The following CLIC5 variants were observed in gnomAD, a reference collection of about 807,000 sequenced individuals.
CLIC5 encodes the protein chloride intracellular channel protein 5.
CLIC5 carries 20 observed loss-of-function variants against 24.7 expected under a neutral mutation model. The observed-to-expected ratio is 0.81, with a 90% CI of 0.57 to 1.18. The LOEUF (loss-of-function observed/expected upper bound fraction) is 1.18. Among genes scored for constraint, CLIC5 ranks in the 50% most tolerant of loss-of-function variants. The pLI is 0.00. For missense variants in CLIC5, 341 were observed against 326.1 expected, an observed-to-expected ratio of 1.05 and a Z score of -0.35; for synonymous variants, 159 against 135.6, an observed-to-expected ratio of 1.17 and a Z score of -1.20.
intron 1 of CLIC5, among the ~76,000 whole-genome samples, chr6:46,071,040 T>C (rs1762581472): frequency 1.3e-5 from 2 of 152,198 alleles, no homozygotes; most frequent in South Asian, 4.1e-4. Flanking sequence ...AGATTGAAAC[T>C]GGACCCCTTC....
At chr6:45,926,020 C>G (rs1289527630) in intron 4 of CLIC5, among the ~76,000 whole-genome samples, 1 of 151,984 alleles carries the variant, frequency 6.6e-6, no homozygotes, top group Non-Finnish European at 1.5e-5. Context: ...ACAATGGAAA[C>G]AGAACATGGA....
At chr6:45,947,186 G>T (rs1764316364) in intron 3 of CLIC5, among the ~76,000 whole-genome samples, 1 of 152,224 alleles carries the variant, frequency 6.6e-6, no homozygotes, top group South Asian at 2.1e-4. Context: ...CAATTCCAGT[G>T]ATCTCTGTCC....
At chr6:46,124,030 G>T in the CLIC5 span, among the ~76,000 whole-genome samples, 2 of 152,142 alleles carry the variant, frequency 1.3e-5, no homozygotes, top group African/African-American at 4.8e-5. Context: ...TAGATTCATT[G>T]CCATCCCCAT....
chr6:45,933,921 G>T (rs1763838708), intron 4 of CLIC5, among the ~76,000 whole-genome samples: 1 of 152,228 alleles, frequency 6.6e-6, no homozygotes. Context: ...GGAAGATGGA[G>T]AGGAGTCAGA....
chr6:46,043,649 T>C (rs1767876579), intron 1 of CLIC5, among the ~76,000 whole-genome samples: 1 of 152,126 alleles, frequency 6.6e-6, no homozygotes, highest in Admixed American at 6.5e-5. Context: ...TAGGAGCCAC[T>C]TCAGAGTACA....
chr6:46,047,778 C>A (rs1767992275), intron 1 of CLIC5, among the ~76,000 whole-genome samples: 1 of 152,050 alleles, frequency 6.6e-6, no homozygotes, highest in Admixed American at 6.6e-5. Flanking sequence ...TTCTCTCCCA[C>A]AAATCAGGAT....
intron 1 of CLIC5, among the ~76,000 whole-genome samples, chr6:45,958,437 T>TATATATACACACACACACACACAC (rs1554151272): frequency 0.14 from 1,053 of 7,754 alleles, 119 homozygotes; most frequent in Non-Finnish European, 0.33. Context: ...TATATATATA[T>TATATATACACACACACACACACAC]ATATATATAT....
At chr6:46,023,168 G>A (rs1767232626) in intron 1 of CLIC5, among the ~76,000 whole-genome samples, 2 of 152,166 alleles carry the variant, frequency 1.3e-5, no homozygotes, top group South Asian at 2.1e-4. Flanking sequence ...ACAGTGTGGA[G>A]TTTTTATAAA....
chr6:46,041,435 C>T (rs1767804947), intron 1 of CLIC5, among the ~76,000 whole-genome samples: 1 of 152,176 alleles, frequency 6.6e-6, no homozygotes, highest in Non-Finnish European at 1.5e-5. Flanking sequence ...TCCTAACTAA[C>T]TAATATTGAG....
chr6:45,997,695 C>G, intron 1 of CLIC5, among the ~76,000 whole-genome samples: 1 of 152,112 alleles, frequency 6.6e-6, no homozygotes, highest in Non-Finnish European at 1.5e-5. Flanking sequence ...CAAAAGTGCC[C>G]TTTATTGTTA....
chr6:45,909,670 G>T (rs1011779952), intron 5 of CLIC5, among the ~76,000 whole-genome samples: 2 of 152,192 alleles, frequency 1.3e-5, no homozygotes, highest in African/African-American at 4.8e-5. Context: ...GGTTCCATTT[G>T]TATGTGTTCT....
rs1358730431 is a variant in CLIC5, at chr6:45,999,975, C to T, written c.63+15505G>A. Among the ~76,000 whole-genome samples the T allele has an allele frequency of 1.7e-5, 2 of 119,308 alleles. 1 individual carries two copies. 78.3% of individuals were successfully genotyped at this position (119,308 alleles called of 152,430 possible). On this transcript the variant is annotated intron_variant, in intron 1 of 5. Transcript: ENST00000339561. ...CCTTGTTAGCCAGGATGGTCTCGAT[C>T]TCCTGACCTCATGATCCACCCGCCT...
At chr6:45,986,856 A>G (rs1765761508) in intron 1 of CLIC5, among the ~76,000 whole-genome samples, 2 of 152,244 alleles carry the variant, frequency 1.3e-5, no homozygotes, top group African/African-American at 4.8e-5. Flanking sequence ...ATAAAGAGGC[A>G]GTAAATGTGA....
chr6:45,936,106 T>C (rs1264465806), intron 4 of CLIC5, among the ~76,000 whole-genome samples: 2 of 152,160 alleles, frequency 1.3e-5, no homozygotes, highest in South Asian at 2.1e-4. Flanking sequence ...CATCTAAAGA[T>C]GTATAACCCC....
chr6:46,001,606 G>A (rs1227787408), intron 1 of CLIC5, among the ~76,000 whole-genome samples: 1 of 152,102 alleles, frequency 6.6e-6, no homozygotes, highest in Non-Finnish European at 1.5e-5. Context: ...TCCCCCACAA[G>A]ACCCAGGGCC....
chr6:46,049,734 T>G (rs1338461), intron 1 of CLIC5, among the ~76,000 whole-genome samples: 29,105 of 152,162 alleles, frequency 0.19, 2,977 homozygotes, highest in Admixed American at 0.3. Flanking sequence ...TAGACTACAA[T>G]TTTCACTTCT....
intron 4 of CLIC5, among the ~76,000 whole-genome samples, chr6:45,934,901 C>T (rs1172712178): frequency 6.6e-6 from 1 of 152,104 alleles, no homozygotes; most frequent in Non-Finnish European, 1.5e-5. Flanking sequence ...CAAAATAGAG[C>T]ATTCAAGATG....
At chr6:46,050,944 C>T (rs772284430) in intron 1 of CLIC5, among the ~76,000 whole-genome samples, 7 of 151,888 alleles carry the variant, frequency 4.6e-5, no homozygotes, top group South Asian at 2.1e-4. Flanking sequence ...CTCAAGAAAT[C>T]CTCCTGCCTC....
chr6:46,113,252 G>A, the CLIC5 span, among the ~76,000 whole-genome samples: 2 of 152,158 alleles, frequency 1.3e-5, no homozygotes, highest in African/African-American at 2.4e-5. Flanking sequence ...CTGAGCAAAT[G>A]AGCCACAGGA....
Sources: gnomAD v4.1 joint callset for allele counts (sites outside exome capture counted in the v4.1 genomes callset) on GRCh38, gnomAD v4.1.1 for gene constraint, MANE v1.5 for transcripts, NCBI Gene and HGNC (gene_info 2026-07-23, HGNC 2026-07-21) for gene names.